The following ZNF185 variants were observed in gnomAD, a reference collection of about 807,000 sequenced individuals.
ZNF185 encodes zinc finger protein 185.
A neutral mutation model predicts 58.6 loss-of-function variants in ZNF185; 56 were observed. The observed-to-expected ratio is 0.95, with a 90% confidence interval of 0.77 to 1.19. The LOEUF (loss-of-function observed/expected upper bound fraction) is 1.19, where lower values mean the gene tolerates loss of function less well. Ranked by LOEUF, ZNF185 falls within the 50% of genes most tolerant of loss-of-function variation. The pLI is 0.00. For synonymous variants in ZNF185, 230 were observed against 215.9 expected (o/e 1.07, Z -0.57); for missense variants, 627 against 573.5 (o/e 1.09, Z -0.95).
upstream of ZNF185, among the ~76,000 whole-genome samples, chrX:152,913,119 T>C (rs151175659): frequency 0.032 from 3,611 of 112,201 alleles, 157 homozygotes; most frequent in African/African-American, 0.11. Flanking sequence ...CAGAAACACA[T>C]CCAGGCCCTG....
chrX:152,970,501 A>T (rs1556918464), exon 22 of ZNF185: 1 of 1,210,228 alleles, frequency 8.3e-7, no homozygotes, highest in South Asian at 1.8e-5. Flanking sequence ...ATTCACCGTG[A>T]CACCATTCAC....
intron 15 of ZNF185, among the ~76,000 whole-genome samples, chrX:152,938,888 A>ACC (rs1569506299): frequency 3.4e-5 from 3 of 87,729 alleles, no homozygotes; most frequent in African/African-American, 5.2e-5. Flanking sequence ...TGGAAAAGGC[A>ACC]ACTCAGGCGA....
intron 14 of ZNF185, among the ~76,000 whole-genome samples, chrX:152,935,732 C>T (rs1417870056): frequency 8.9e-6 from 1 of 112,271 alleles, no homozygotes; most frequent in Non-Finnish European, 1.9e-5. Context: ...GGTCTGCTGT[C>T]CCCTTCTTGT....
the ZNF185 span, among the ~76,000 whole-genome samples, chrX:152,905,956 G>T: frequency 6.2e-5 from 7 of 112,557 alleles, no homozygotes; most frequent in Admixed American, 9.3e-5. Context: ...CCTTGGGTTT[G>T]TAAAGCCCAA....
intron 16 of ZNF185, among the ~76,000 whole-genome samples, chrX:152,949,844 G>A (rs1032489593): frequency 1.8e-5 from 2 of 111,923 alleles, no homozygotes; most frequent in Non-Finnish European, 3.8e-5. Context: ...TGAGAGTCTA[G>A]ACACTAGGGA....
chrX:152,964,375 G>C (rs1266734914), intron 18 of ZNF185, among the ~76,000 whole-genome samples: 2 of 112,648 alleles, frequency 1.8e-5, no homozygotes, highest in Non-Finnish European at 3.8e-5. Context: ...CACAAGCATG[G>C]CACCAGCAGC....
chrX:152,970,819 C>T (rs1444416364), intron 22 of ZNF185, among the ~76,000 whole-genome samples: 2 of 111,037 alleles, frequency 1.8e-5, no homozygotes, highest in Non-Finnish European at 3.8e-5. Context: ...CTCGCTCGGC[C>T]GCTGTTGTTA....
chrX:152,914,492 G>T, exon 1 of ZNF185: 1 of 1,185,739 alleles, frequency 8.4e-7, no homozygotes, highest in South Asian at 1.9e-5. Context: ...CAATCACCAT[G>T]AGTATCTCAG....
chrX:152,900,414 G>A, the ZNF185 span, among the ~76,000 whole-genome samples: 1 of 112,853 alleles, frequency 8.9e-6, no homozygotes, highest in African/African-American at 3.2e-5. Context: ...AAGGTGCCAG[G>A]TCACATGTAA....
chrX:152,972,461 C>CA (rs372513464), exon 23 of ZNF185: 2 of 110,114 alleles, frequency 1.8e-5, no homozygotes, highest in Non-Finnish European at 3.8e-5. Context: ...TCCCCCCCCC[C>CA]ATGAAGTACT....
At chrX:152,950,101 T>C (rs782565421) in intron 16 of ZNF185, among the ~76,000 whole-genome samples, 5 of 112,525 alleles carry the variant, frequency 4.4e-5, no homozygotes, top group African/African-American at 9.7e-5. Context: ...TGGATGACTT[T>C]ACTGGGGAAA....
intron 7 of ZNF185, among the ~76,000 whole-genome samples, chrX:152,919,636 G>C (rs1185913045): frequency 8.9e-6 from 1 of 112,327 alleles, no homozygotes; most frequent in Non-Finnish European, 1.9e-5. Flanking sequence ...TGTCCATGGG[G>C]ACTGACCACA....
At chrX:152,912,116 T>G (rs868942387), upstream of ZNF185, among the ~76,000 whole-genome samples, 33 of 110,565 alleles carry the variant, frequency 3.0e-4, no homozygotes, top group African/African-American at 1.0e-3. Context: ...GACTCTACTT[T>G]GGCAGAGATT....
At chrX:152,957,706 T>G (rs1000149020) in intron 16 of ZNF185, among the ~76,000 whole-genome samples, 1 of 112,458 alleles carries the variant, frequency 8.9e-6, no homozygotes, top group African/African-American at 3.2e-5. Flanking sequence ...TGGGCCATCT[T>G]GAGCAGCAAG....
intron 17 of ZNF185, among the ~76,000 whole-genome samples, chrX:152,960,521 C>G (rs2049352864): frequency 8.9e-6 from 1 of 112,387 alleles, no homozygotes; most frequent in African/African-American, 3.2e-5. Context: ...CAGCTCAGGT[C>G]TCCCAAAGTG....
At chrX:152,948,953 G>A (rs1347157625) in intron 16 of ZNF185, among the ~76,000 whole-genome samples, 2 of 111,875 alleles carry the variant, frequency 1.8e-5, no homozygotes, top group African/African-American at 6.5e-5. Context: ...AGTGCTTACA[G>A]CATCCTCCAT....
chrX:152,942,154 G>T (rs898025671), intron 15 of ZNF185, among the ~76,000 whole-genome samples: 1 of 112,522 alleles, frequency 8.9e-6, no homozygotes, highest in Non-Finnish European at 1.9e-5. Context: ...CGCCATGGGG[G>T]TGGCGTCATC....
intron 17 of ZNF185, among the ~76,000 whole-genome samples, chrX:152,962,584 T>C (rs1349825723): frequency 8.9e-6 from 1 of 112,098 alleles, no homozygotes; most frequent in East Asian, 2.8e-4. Flanking sequence ...TTTCAGATTT[T>C]TGTGGGGCCT....
chrX:152,963,714 AT>A, intron 17 of ZNF185, 124 bp from the exon 20 acceptor site: 1 of 538,039 alleles, frequency 1.9e-6, no homozygotes, highest in Non-Finnish European at 2.9e-6. Flanking sequence ...GAGAAGTTCC[AT>A]TTGTTGGTCT....
Sources: allele counts gnomAD v4.1 joint callset (sites outside exome capture counted in the v4.1 genomes callset), GRCh38; gene constraint gnomAD v4.1.1; transcripts MANE v1.5; gene names NCBI Gene and HGNC (gene_info 2026-07-23, HGNC 2026-07-21).